The following TAFA5 variants were observed in gnomAD, a reference collection of about 807,000 sequenced individuals.
TAFA5 encodes chemokine-like protein TAFA-5.
TAFA5 carries 6 observed loss-of-function variants against 15.3 expected under a neutral mutation model. The observed-to-expected ratio is 0.39, with a 90% CI of 0.21 to 0.77. TAFA5 has a LOEUF of 0.77. Ranked by LOEUF, TAFA5 falls within the 30% of genes least tolerant of loss-of-function variation. TAFA5 has a pLI of 0.41. For synonymous variants in TAFA5, 103 were observed against 80.7 expected, an observed-to-expected ratio of 1.28 and a Z score of -1.48; for missense variants, 161 against 193.1, an observed-to-expected ratio of 0.83 and a Z score of 0.98.
intron 1 of TAFA5, among the ~76,000 whole-genome samples, chr22:48,570,396 A>G (rs1391402994): frequency 6.6e-6 from 1 of 152,248 alleles, no homozygotes; most frequent in Non-Finnish European, 1.5e-5. Flanking sequence ...GGTAAAAAAC[A>G]AATTACAATG....
At chr22:48,516,806 C>T (rs916848094) in intron 1 of TAFA5, among the ~76,000 whole-genome samples, 14 of 152,166 alleles carry the variant, frequency 9.2e-5, no homozygotes, top group African/African-American at 2.9e-4. Context: ...GACCCACCTC[C>T]GGGACACTGC....
At chr22:48,683,149 C>T (rs1012440337) in intron 2 of TAFA5, among the ~76,000 whole-genome samples, 3 of 152,142 alleles carry the variant, frequency 2.0e-5, no homozygotes, top group African/African-American at 7.2e-5. Flanking sequence ...AGCCAGGTTT[C>T]GGAATAGACA....
intron 1 of TAFA5, among the ~76,000 whole-genome samples, chr22:48,526,085 G>A (rs1387023345): frequency 6.6e-6 from 1 of 152,202 alleles, no homozygotes; most frequent in Non-Finnish European, 1.5e-5. Flanking sequence ...TCACTGCCAG[G>A]GGAGCCAGTG....
intron 1 of TAFA5, among the ~76,000 whole-genome samples, chr22:48,595,360 T>C (rs1415311863): frequency 6.6e-6 from 1 of 152,220 alleles, no homozygotes; most frequent in Non-Finnish European, 1.5e-5. Context: ...GGTGTGGTTG[T>C]GCCCCAAGGC....
At chr22:48,594,285 G>C (rs1476086852) in intron 1 of TAFA5, among the ~76,000 whole-genome samples, 2 of 152,246 alleles carry the variant, frequency 1.3e-5, no homozygotes, top group African/African-American at 4.8e-5. Flanking sequence ...TTGGCTGTCT[G>C]ACCCACTCGG....
chr22:48,749,456 C>T lies in TAFA5; in HGVS notation c.391-383C>T, dbSNP rs77932923. ...TCTGCAGTCTGTGGCCTCAGAGGCCCAGGAAGCTGGGAGGGGTTTGAATTG... is the reference window on the plus strand; with the variant it reads ...TCTGCAGTCTGTGGCCTCAGAGGCCTAGGAAGCTGGGAGGGGTTTGAATTG... On this transcript the variant is annotated intron_variant, in intron 3 of 3. Transcript: ENST00000402357. Among the ~76,000 whole-genome samples, 1,106 of 152,268 alleles carry T rather than the reference C, an allele frequency of 7.3e-3. 9 individuals are homozygous for T. Among genetic ancestry groups the T allele is most frequent in the Middle Eastern group, 0.02 (6 of 294 alleles).
intron 1 of TAFA5, among the ~76,000 whole-genome samples, chr22:48,602,019 G>C (rs575475617): frequency 7.6e-4 from 115 of 152,274 alleles, no homozygotes; most frequent in African/African-American, 2.7e-3. Context: ...TGGGCACGCT[G>C]GTGGGTTAAG....
intron 3 of TAFA5, among the ~76,000 whole-genome samples, chr22:48,736,524 A>C (rs1930033119): frequency 6.6e-6 from 1 of 152,068 alleles, no homozygotes; most frequent in Admixed American, 6.6e-5. Flanking sequence ...GTCCACACAC[A>C]AACCTGTACA....
intron 1 of TAFA5, among the ~76,000 whole-genome samples, chr22:48,557,192 T>A (rs774238394): frequency 6.6e-6 from 1 of 152,174 alleles, no homozygotes; most frequent in Non-Finnish European, 1.5e-5. Context: ...AGAACATGAC[T>A]GTACTTGGAG....
chr22:48,609,995 A>G (rs1238757574), intron 1 of TAFA5, among the ~76,000 whole-genome samples: 1 of 151,980 alleles, frequency 6.6e-6, no homozygotes, highest in East Asian at 1.9e-4. Flanking sequence ...ATCTGCAAAG[A>G]CCCTGTTTCC....
rs201958865 is a variant in TAFA5 at position 48,650,148 on chromosome 22, GA to G, written c.262+3403del. Among the ~76,000 whole-genome samples the G allele has an allele frequency of 7.8e-4, 119 of 152,330 alleles. 2 individuals are homozygous for G. The East Asian group carries it at 0.02, about 25-fold the overall frequency. Reference sequence around the variant, plus strand: ...TCGCATGTGAATTGCATTTGCTGAAGAGAAAACTTGTGCTGTGTTGGGTCGG... The same window carrying G: ...TCGCATGTGAATTGCATTTGCTGAAGGAAAACTTGTGCTGTGTTGGGTCGG... On this transcript the variant is annotated intron_variant, in intron 2 of 3. Coordinates refer to ENST00000402357, the MANE Select transcript of TAFA5 (RefSeq NM_001082967.3).
At chr22:48,631,159 A>G (rs1368115095) in intron 1 of TAFA5, among the ~76,000 whole-genome samples, 1 of 152,170 alleles carries the variant, frequency 6.6e-6, no homozygotes, top group Non-Finnish European at 1.5e-5. Flanking sequence ...CGGGGCTGGG[A>G]TGACCTGCCA....
intron 2 of TAFA5, among the ~76,000 whole-genome samples, chr22:48,684,127 C>T (rs577138501): frequency 4.9e-4 from 75 of 151,810 alleles, no homozygotes; most frequent in Admixed American, 1.4e-3. Flanking sequence ...TGGAGTGAGC[C>T]GTTACCTGAA....
Position 48,738,069 on chromosome 22 carries a change from A to G in TAFA5, c.391-11770A>G, listed in dbSNP as rs551413743. On this transcript the variant is annotated intron_variant, in intron 3 of 3. Coordinates refer to ENST00000402357, the MANE Select transcript of TAFA5 (RefSeq NM_001082967.3). ...AGAATTCAGTGAGGCTGAGTCCAGGAACCCACCTTTGGAGTGGACGGAATG... is the reference window on the plus strand; with the variant it reads ...AGAATTCAGTGAGGCTGAGTCCAGGGACCCACCTTTGGAGTGGACGGAATG... Among the ~76,000 whole-genome samples, 5 of 152,172 alleles carry G rather than the reference A, an allele frequency of 3.3e-5. No homozygotes were observed. In the East Asian group the frequency reaches 9.7e-4, roughly 30 times the overall value.
intron 3 of TAFA5, among the ~76,000 whole-genome samples, chr22:48,737,936 G>A (rs564175110): frequency 6.6e-6 from 1 of 152,272 alleles, no homozygotes; most frequent in African/African-American, 2.4e-5. Context: ...GTGCAGCCCT[G>A]TTGTGCCTCC....
chr22:48,671,727 G>A (rs558792253), intron 2 of TAFA5, among the ~76,000 whole-genome samples: 1 of 152,300 alleles, frequency 6.6e-6, no homozygotes, highest in African/African-American at 2.4e-5. Flanking sequence ...CAAGCAAACA[G>A]TGGCCCCTCT....
chr22:48,621,468 G>T (rs1401463163), intron 1 of TAFA5, among the ~76,000 whole-genome samples: 1 of 152,028 alleles, frequency 6.6e-6, no homozygotes, highest in Non-Finnish European at 1.5e-5. Flanking sequence ...CATCATGTAG[G>T]TGCTCATGGG....
intron 1 of TAFA5, among the ~76,000 whole-genome samples, chr22:48,594,647 C>T (rs887346053): frequency 2.0e-5 from 3 of 152,216 alleles, no homozygotes; most frequent in Admixed American, 6.5e-5. Flanking sequence ...TGAGCCTCTG[C>T]ACAGCCCTCA....
chr22:48,738,292 AACAC>A (rs1243404272), intron 3 of TAFA5, among the ~76,000 whole-genome samples: 1 of 152,176 alleles, frequency 6.6e-6, no homozygotes, highest in African/African-American at 2.4e-5. Flanking sequence ...TCAGCAGTGA[AACAC>A]ACACATCTTA....
Sources: allele counts gnomAD v4.1 joint callset (sites outside exome capture counted in the v4.1 genomes callset), GRCh38; gene constraint gnomAD v4.1.1; transcripts MANE v1.5; gene names NCBI Gene and HGNC (gene_info 2026-07-23, HGNC 2026-07-21).